PGGHG: variants seen among roughly 807,000 people sequenced by gnomAD.
PGGHG encodes protein-glucosylgalactosylhydroxylysine glucosidase.
PGGHG carries 67 observed loss-of-function variants against 74.5 expected under a neutral mutation model. That is an observed-to-expected ratio of 0.90 (90% CI 0.74 to 1.10). PGGHG has a LOEUF of 1.10. PGGHG is among the 50% of genes least tolerant of loss of function. PGGHG has a pLI of 0.00. For synonymous variants in PGGHG, 496 were observed against 419.9 expected (o/e 1.18, Z -2.21); for missense variants, 1,034 against 981.5 (o/e 1.05, Z -0.72).
chr11:290,968 A>G lies in PGGHG; in HGVS notation c.761A>G (p.Gln254Arg). 2.5e-6 allele frequency: 4 copies of G among 1,612,710 alleles called. No individual in the cohort carries two copies. The highest frequency in any genetic ancestry group is 3.4e-6 in the Non-Finnish European group (4 of 1,179,974). The change falls in exon 4 of 14, where the codon CAG becomes CGG. Residue 254 changes from glutamine to arginine, a missense_variant. Gln to Arg is a conservative substitution (Grantham distance 43). Coordinates refer to ENST00000409548, the MANE Select transcript of PGGHG (RefSeq NM_025092.5). ...LDVVGPLQLR[Q>R]ALRGSLYYLL... The stretch of plus-strand genomic sequence containing the variant: ...GTGGTGGGGCCCCTGCAGCTGCGCC[A>G]GGCCCTGCGTGGCTCCCTCTACTAC...
In PGGHG at chr11:292,990, C is replaced by T. The variant is rs1316533011; in HGVS notation, c.1263C>T (p.His421=). 1 of 1,597,216 alleles carries T rather than the reference C, an allele frequency of 6.3e-7. No individual in the cohort carries two copies. The highest frequency in any genetic ancestry group is 8.5e-7 in the Non-Finnish European group (1 of 1,170,598). The change falls in exon 7 of 14, where the codon CAC becomes CAT. Residue 421 remains histidine (H), a synonymous_variant. Transcript: ENST00000409548. The stretch of plus-strand genomic sequence containing the variant: ...GGAGCCCCAGGGAGGAAAAGTACCA[C>T]CTGAGGGGTGAGGCCATGGTGGGGA... ...VEWSPREEKY[H]LRGVMSPDEY...
rs1470223957 is a variant in PGGHG, at chr11:290,719, G to A, written c.512G>A (p.Gly171Glu). ...GHTLTPEQPG[G>E]PQQEVHMLWT... ...ACCCTCACCCCTGAGCAGCCCGGGG[G>A]GCCACAGCAAGAGGTACACATGCTG... The change falls in exon 4 of 14, where the codon GGG (glycine) becomes GAG (glutamate). Residue 171 changes from glycine (G) to glutamate (E), a missense_variant. Gly to Glu is a moderately conservative substitution (Grantham distance 98). Coordinates refer to ENST00000409548, the MANE Select transcript of PGGHG (RefSeq NM_025092.5). 3 of 1,604,948 alleles carry A rather than the reference G, an allele frequency of 1.9e-6. No homozygotes were observed. Among genetic ancestry groups the A allele is most frequent in the Non-Finnish European group, 2.6e-6 (3 of 1,174,588 alleles).
At chr11:292,187 C>CT in intron 5 of PGGHG, 92 bp downstream of exon 5, 2 of 1,425,258 alleles carry the variant, frequency 1.4e-6, no homozygotes, top group Non-Finnish European at 1.8e-6. Context: ...CCCAGGCCCC[C>CT]TCTGGACAAA....
rs777990356 is a variant in PGGHG at position 290,487 on chromosome 11, C to T, written c.357C>T (p.Ser119=). The change falls in exon 3 of 14, where the codon TCC becomes TCT. Residue 119 remains serine (S), a synonymous_variant. Transcript: ENST00000409548. ...TLPHVLAFRV[S]IARLAPGSGP... is the part of the protein sequence containing the mutation. ...CCCACGTGCTGGCTTTCCGAGTGTC[C>T]ATCGCCCGCCTGGCCCCGGGGAGCG... 14 of 1,550,254 alleles carry T rather than the reference C, an allele frequency of 9.0e-6. No individual in the cohort carries two copies. The highest frequency in any genetic ancestry group is 1.2e-5 in the Non-Finnish European group (14 of 1,146,948).
rs1845697752 is a variant in PGGHG, at chr11:290,871, C to T, written c.664C>T (p.Gln222Ter). 1 of 1,611,284 alleles carries T rather than the reference C, an allele frequency of 6.2e-7. No homozygotes were observed. The highest frequency in any genetic ancestry group is 8.5e-7 in the Non-Finnish European group (1 of 1,179,134). Residue 222 changes from glutamine to a stop codon, truncating the protein, a stop_gained, in exon 4 of 14, where the codon CAG becomes TAG. Coordinates refer to ENST00000409548, the MANE Select transcript of PGGHG (RefSeq NM_025092.5). LOFTEE classifies it high-confidence loss of function. ...CTGCCTCACTGAGGCCCTGCAGCTG[C>T]AGGCCAGGGGAGCTCTGTATACGGC... is the stretch of plus-strand genomic sequence containing the variant. Reference protein sequence around the residue: ...QACLTEALQLQARGALYTAHA... With the variant: ...QACLTEALQL
intron 2 of PGGHG, 129 bp from the exon 3 acceptor site, chr11:290,261 G>T: frequency 2.2e-6 from 3 of 1,356,006 alleles, no homozygotes; most frequent in Non-Finnish European, 2.0e-6. Flanking sequence ...CAGCTGTAGC[G>T]GGAACGAGCA....
At position 292,665 on chromosome 11, in the gene PGGHG, C is replaced by G; in HGVS notation, c.1146C>G (p.Tyr382Ter). The change falls in exon 6 of 14, where the codon TAC (tyrosine) becomes TAG (stop). Residue 382 changes from tyrosine to a stop codon, truncating the protein, a stop_gained. Transcript: ENST00000409548. LOFTEE classifies it high-confidence loss of function. ...TGGTGTTGGCCTTCGAGCTGTACTACCATACCACCCAGGTGAGGTGCTGCG... is the reference window on the plus strand; with the variant it reads ...TGGTGTTGGCCTTCGAGCTGTACTAGCATACCACCCAGGTGAGGTGCTGCG... ...GAVVLAFELY[Y>*]HTTQDLQLFR... 6.2e-7 allele frequency: 1 copy of G among 1,613,784 alleles called. No homozygotes were observed. The highest frequency in any genetic ancestry group is 8.5e-7 in the Non-Finnish European group (1 of 1,180,004).
At position 289,651 on chromosome 11, in the gene PGGHG, C is replaced by T. The variant is rs115270978; in HGVS notation, c.-13-153C>T. ...AGAGTCGAGCTCCTTTCCTGCGAGG[C>T]CCCGTCTAGGAGGGGCCTCAGGAAA... On this transcript the variant is annotated intron_variant, in intron 1 of 13. Transcript: ENST00000409548. The surrounding 1 kb of genome is among the most constrained non-coding windows in gnomAD (Gnocchi z 5.6). 2.9e-4 allele frequency: 279 copies of T among 955,248 alleles called. No individual in the cohort carries two copies. In the African/African-American group the frequency reaches 3.8e-3, roughly 13 times the overall value. 59.2% of individuals were successfully genotyped at this position (955,248 alleles called of 1,614,324 possible).
At chr11:292,151 AC>A in intron 5 of PGGHG, 56 bp downstream of exon 5, 1 of 1,481,382 alleles carries the variant, frequency 6.8e-7, no homozygotes, top group Non-Finnish European at 8.9e-7. Flanking sequence ...CAGCCCCCAC[AC>A]CCCTCCCAGG....
chr11:292,456 C>A (rs1441076972), intron 5 of PGGHG, 90 bp from the exon 6 acceptor site: 5 of 1,520,446 alleles, frequency 3.3e-6, no homozygotes, highest in East Asian at 2.3e-5. Flanking sequence ...CAGGCCGAGC[C>A]CCCCCTCCTC....
At position 291,992 on chromosome 11, in the gene PGGHG, C is replaced by G. The variant is rs148158834; in HGVS notation, c.923C>G (p.Pro308Arg). 1.9e-6 allele frequency: 3 copies of G among 1,610,346 alleles called. No individual in the cohort carries two copies. The highest frequency in any genetic ancestry group is 1.7e-6 in the Non-Finnish European group (2 of 1,178,756). Reference protein sequence around the residue: ...VFWDQDLWMFPSILMFHPEAA... With the variant: ...VFWDQDLWMFRSILMFHPEAA... ...TGCTCTCAGGACCTCTGGATGTTCCCGAGTATCCTGATGTTCCACCCAGAA... is the reference window on the plus strand; with the variant it reads ...TGCTCTCAGGACCTCTGGATGTTCCGGAGTATCCTGATGTTCCACCCAGAA... Residue 308 changes from proline to arginine, a missense_variant, in exon 5 of 14, where the codon CCG becomes CGG. Transcript: ENST00000409548.
At position 290,474 on chromosome 11, in the gene PGGHG, C is replaced by T. The variant is rs1845685375; in HGVS notation, c.344C>T (p.Ala115Val). 1 of 1,550,024 alleles carries T rather than the reference C, an allele frequency of 6.5e-7. No individual in the cohort carries two copies. Among genetic ancestry groups the T allele is most frequent in the Non-Finnish European group, 8.7e-7 (1 of 1,146,956 alleles). ...CATCGCACGCTGCCCCACGTGCTGG[C>T]TTTCCGAGTGTCCATCGCCCGCCTG... ...YAHRTLPHVL[A>V]FRVSIARLAP... The change falls in exon 3 of 14, where the codon GCT becomes GTT. Residue 115 changes from alanine to valine, a missense_variant. Transcript: ENST00000409548.
rs371083816 is a variant in PGGHG, at chr11:293,797, C to T, written c.1615-33C>T. Reference sequence around the variant, plus strand: ...TCTTCTCTGCCCACGCAGTGGGCCTCACCCCTGTGTGTCCTCTTACCTCTG... The same window carrying T: ...TCTTCTCTGCCCACGCAGTGGGCCTTACCCCTGTGTGTCCTCTTACCTCTG... On this transcript the variant is annotated intron_variant, in intron 10 of 13. Coordinates refer to ENST00000409548, the MANE Select transcript of PGGHG (RefSeq NM_025092.5). The T allele has an allele frequency of 2.5e-5, 40 of 1,613,414 alleles. 1 individual carries two copies. The African/African-American group carries it at 2.8e-4, about 11-fold the overall frequency.
chr11:293,352 A>ACCT lies in PGGHG; in HGVS notation c.1344-11_1344-9dup. The ACCT allele has an allele frequency of 6.2e-7, 1 of 1,607,578 alleles. No homozygotes were observed. Among genetic ancestry groups the ACCT allele is most frequent in the Non-Finnish European group, 8.5e-7 (1 of 1,178,426 alleles). Reference sequence around the variant, plus strand: ...GTAGGGGTTGCAGCCTCCCCCACCTACCTCCACCTCCAGCCTGCGCTTTGC... The same window carrying ACCT: ...GTAGGGGTTGCAGCCTCCCCCACCTACCTCCTCCACCTCCAGCCTGCGCTTTGC... On this transcript the variant is annotated splice_polypyrimidine_tract_variant and intron_variant, in intron 8 of 13. Coordinates refer to ENST00000409548, the MANE Select transcript of PGGHG (RefSeq NM_025092.5).
At chr11:291,566 T>TTAAAAA in intron 4 of PGGHG, 1 of 254,452 alleles carries the variant, frequency 3.9e-6, no homozygotes, top group South Asian at 5.6e-5. Context: ...AGGGGCATGA[T>TTAAAAA]GGCTGCTGGG....
chr11:293,449 T>C lies in PGGHG; in HGVS notation c.1427T>C (p.Val476Ala). ...QWLAVADKIKVPFDVEQNFHP... is the reference protein window; with the variant it reads ...QWLAVADKIKAPFDVEQNFHP... ...CTGGCGGTGGCTGACAAGATCAAGG[T>C]ACCCTTTGACGTGGAGCAGAACTTC... Residue 476 changes from valine to alanine, a missense_variant, in exon 9 of 14, where the codon GTA becomes GCA. Val to Ala is a moderately conservative substitution (Grantham distance 64, BLOSUM62 0). Transcript: ENST00000409548. 6.2e-7 allele frequency: 1 copy of C among 1,612,264 alleles called. No homozygotes were observed. The highest frequency in any genetic ancestry group is 2.2e-5 in the East Asian group (1 of 44,866).
chr11:294,906 C>A lies in PGGHG; in HGVS notation c.*157C>A. On this transcript the variant is annotated 3_prime_UTR_variant, in exon 14 of 14. Transcript: ENST00000409548. ...TTGGCCTGAGTTCAAGGCTTTCTGCCTGTAGCCTGGACTCCCGTGGACCCC... is the reference window on the plus strand; with the variant it reads ...TTGGCCTGAGTTCAAGGCTTTCTGCATGTAGCCTGGACTCCCGTGGACCCC... The A allele has an allele frequency of 1.1e-6, 1 of 930,718 alleles. No individual in the cohort carries two copies. Among genetic ancestry groups the A allele is most frequent in the Non-Finnish European group, 1.5e-6 (1 of 648,620 alleles). 57.7% of individuals were successfully genotyped at this position (930,718 alleles called of 1,614,324 possible).
At position 289,999 on chromosome 11, in the gene PGGHG, C is replaced by A. The variant is rs772695293; in HGVS notation, c.183C>A (p.Pro61=). Reference sequence around the variant, plus strand: ...CGCACCGGGCCATGCTGCCCAGCCCCCTCAACGTCCGGCTGGAGGCCCCTG... The same window carrying A: ...CGCACCGGGCCATGCTGCCCAGCCCACTCAACGTCCGGCTGGAGGCCCCTG... ...GDTHRAMLPS[P]LNVRLEAPAG... Residue 61 remains proline (P), a synonymous_variant, in exon 2 of 14, where the codon CCC becomes CCA. Coordinates refer to ENST00000409548, the MANE Select transcript of PGGHG (RefSeq NM_025092.5). This position sits in a 1 kb window ranked among gnomAD's most constrained non-coding sequence, Gnocchi z 5.6. 1 of 1,548,492 alleles carries A rather than the reference C, an allele frequency of 6.5e-7. No individual in the cohort carries two copies. Among genetic ancestry groups the A allele is most frequent in the Non-Finnish European group, 8.7e-7 (1 of 1,146,832 alleles).
intron 4 of PGGHG, chr11:291,752 G>C (rs574248351): frequency 8.8e-5 from 49 of 556,098 alleles, no homozygotes; most frequent in Admixed American, 5.7e-4. Context: ...CACAAACGCC[G>C]GCTGGGGAGG....
Sources: allele counts gnomAD v4.1 joint callset, GRCh38; gene constraint gnomAD v4.1.1; non-coding constraint Gnocchi (gnomAD v3.1); transcripts MANE v1.5; gene names NCBI Gene and HGNC (gene_info 2026-07-23, HGNC 2026-07-21).